Variants in NAA38 observed in about 807,000 individuals in gnomAD.
The protein encoded by NAA38 is N-alpha-acetyltransferase 38, NatC auxiliary subunit.
Under a neutral mutation model 12.6 loss-of-function variants are expected in NAA38, and 15 were observed. That is an observed-to-expected ratio of 1.19 (90% confidence interval 0.79 to 1.83). The LOEUF (loss-of-function observed/expected upper bound fraction) is 1.83, where lower values mean the gene tolerates loss of function less well. Among genes scored for constraint, NAA38 ranks in the 40% most tolerant of loss-of-function variants. The probability of loss-of-function intolerance (pLI) is 0.00; values close to 1 mark genes in which losing one functional copy is unlikely to be tolerated. For missense variants in NAA38, 183 were observed against 171.7 expected, an observed-to-expected ratio of 1.07 and a Z score of -0.37; for synonymous variants, 88 against 69.9, an observed-to-expected ratio of 1.26 and a Z score of -1.29.
intron 2 of NAA38, among the ~76,000 whole-genome samples, chr17:7,877,868 G>C (rs1032169878): frequency 1.3e-5 from 2 of 152,118 alleles, no homozygotes; most frequent in African/African-American, 4.8e-5. Flanking sequence ...AACTCATGTA[G>C]TATATAGTAG....
chr17:7,858,979 C>A (rs1316258128), upstream of NAA38: 1 of 678,302 alleles, frequency 1.5e-6, no homozygotes, highest in Non-Finnish European at 2.3e-6. Flanking sequence ...CACCTAGGTC[C>A]CCAGGGTTGG....
upstream of NAA38, chr17:7,858,022 G>A (rs2078845663): frequency 2.6e-6 from 4 of 1,532,868 alleles, no homozygotes; most frequent in African/African-American, 2.7e-5. Flanking sequence ...CATGTCAGCG[G>A]ATAAACGCTC....
At chr17:7,875,429 G>GCAGGA (rs1291254725) in intron 2 of NAA38, among the ~76,000 whole-genome samples, 4 of 152,034 alleles carry the variant, frequency 2.6e-5, no homozygotes, top group Non-Finnish European at 5.9e-5. Flanking sequence ...TCCAGCTCCT[G>GCAGGA]GGCTGAGCTC....
chr17:7,881,514 G>A (rs969568455), intron 2 of NAA38, among the ~76,000 whole-genome samples: 1 of 151,884 alleles, frequency 6.6e-6, no homozygotes, highest in Non-Finnish European at 1.5e-5. Flanking sequence ...TGAGGCAAAG[G>A]GGTTACTGAG....
At chr17:7,880,885 C>A (rs895581214) in intron 2 of NAA38, among the ~76,000 whole-genome samples, 2 of 152,060 alleles carry the variant, frequency 1.3e-5, no homozygotes, top group African/African-American at 2.4e-5. Flanking sequence ...TGGTAGTGAA[C>A]GCATGCAACC....
At chr17:7,875,678 A>G (rs1189598852) in intron 2 of NAA38, among the ~76,000 whole-genome samples, 2 of 152,122 alleles carry the variant, frequency 1.3e-5, no homozygotes, top group Non-Finnish European at 2.9e-5. Flanking sequence ...AATATACCTT[A>G]TTCACCATTT....
chr17:7,858,309 T>C (rs1429295710), upstream of NAA38: 3 of 1,613,754 alleles, frequency 1.9e-6, no homozygotes, highest in Non-Finnish European at 2.5e-6. Context: ...GGGCCACACG[T>C]TGGGCCGGGG....
chr17:7,870,418 A>C (rs1209974214), intron 2 of NAA38, among the ~76,000 whole-genome samples: 2 of 152,204 alleles, frequency 1.3e-5, no homozygotes, highest in Non-Finnish European at 2.9e-5. Flanking sequence ...GATTTAGCTA[A>C]AAGGCAGCAA....
At chr17:7,858,271 C>T (rs1472405120), upstream of NAA38, 2 of 1,614,008 alleles carry the variant, frequency 1.2e-6, no homozygotes, top group Non-Finnish European at 1.7e-6. Context: ...TACGACCTAA[C>T]GTCATTGGCA....
At chr17:7,867,820 G>A (rs1423903358) in intron 2 of NAA38, among the ~76,000 whole-genome samples, 1 of 152,186 alleles carries the variant, frequency 6.6e-6, no homozygotes, top group Non-Finnish European at 1.5e-5. Flanking sequence ...GGAGATCGGA[G>A]ATGAAATGAA....
chr17:7,857,239 G>C (rs768705310), intron 1 of NAA38, 41 bp from the exon 2 acceptor site: 1 of 1,610,572 alleles, frequency 6.2e-7, no homozygotes, highest in Non-Finnish European at 8.5e-7. Flanking sequence ...CGCAGCCCAG[G>C]CTGCCCGCCC....
upstream of NAA38, chr17:7,858,485 T>C (rs778287159): frequency 1.2e-6 from 2 of 1,613,954 alleles, no homozygotes; most frequent in Non-Finnish European, 8.5e-7. Context: ...GAGACGTGAG[T>C]TATGCTGGAA....
chr17:7,883,874 G>A (rs1400307704), intron 1 of NAA38, among the ~76,000 whole-genome samples: 1 of 151,728 alleles, frequency 6.6e-6, no homozygotes, highest in Non-Finnish European at 1.5e-5. Context: ...GAGGTGGGGA[G>A]GAAGAGACTA....
intron 2 of NAA38, 23 bp from the exon 3 acceptor site, chr17:7,856,866 CA>C: frequency 6.2e-7 from 1 of 1,611,738 alleles, no homozygotes; most frequent in Non-Finnish European, 8.5e-7. Context: ...ATCAGAGCAT[CA>C]GGAAAGTAGG....
At chr17:7,861,714 T>C (rs1055926269), upstream of NAA38, 13 of 152,212 alleles carry the variant, frequency 8.5e-5, no homozygotes, top group African/African-American at 2.2e-4. Flanking sequence ...CCATCACCTC[T>C]TGTCTAAACT....
chr17:7,856,760 C>T lies in NAA38; in HGVS notation c.349G>A (p.Glu117Lys). The T allele has an allele frequency of 6.2e-7, 1 of 1,614,058 alleles. No homozygotes were observed. Among genetic ancestry groups the T allele is most frequent in the Non-Finnish European group, 8.5e-7 (1 of 1,180,018 alleles). ...AGATACGGAGGCCCGGTCAGACTCT[C>T]CCTCTGCACCTCAATGGAAACGATG... ...HHIVSIEVQR[E>K]SLTGPPYL Residue 117 changes from glutamate to lysine, a missense_variant, in exon 3 of 3, where the codon GAG (glutamate) becomes AAG (lysine). Physicochemically the swap from Glu to Lys is moderately conservative, Grantham distance 56. Coordinates refer to ENST00000575771, the MANE Select transcript of NAA38 (RefSeq NM_001320925.4).
intron 2 of NAA38, among the ~76,000 whole-genome samples, chr17:7,877,372 ATT>A (rs112052153): frequency 1.4e-4 from 21 of 146,174 alleles, no homozygotes; most frequent in South Asian, 4.3e-4. Context: ...AAATGATGTC[ATT>A]TTTTTTTTTT....
chr17:7,866,409 C>T (rs1309820696), intron 3 of NAA38: 6 of 1,157,910 alleles, frequency 5.2e-6, no homozygotes, highest in South Asian at 8.8e-5. Flanking sequence ...CGCCCGGCCG[C>T]CACGGGGAAC....
At chr17:7,879,322 A>T (rs1967229327) in intron 2 of NAA38, among the ~76,000 whole-genome samples, 1 of 152,270 alleles carries the variant, frequency 6.6e-6, no homozygotes, top group East Asian at 1.9e-4. Context: ...TGCTTGTTGT[A>T]TGAGTACATG....
Sources: gnomAD v4.1 joint callset for allele counts (sites outside exome capture counted in the v4.1 genomes callset) on GRCh38, gnomAD v4.1.1 for gene constraint, MANE v1.5 for transcripts, NCBI Gene and HGNC (gene_info 2026-07-23, HGNC 2026-07-21) for gene names.